Variants in HIBCH observed in about 807,000 individuals in gnomAD.
The protein encoded by HIBCH is 3-hydroxyisobutyryl-CoA hydrolase, also known as 3-hydroxyisobutyryl-CoA hydrolase, mitochondrial.
In HIBCH, 50 loss-of-function variants were observed where a neutral mutation model predicts 58.2. The observed-to-expected ratio is 0.86, with a 90% CI of 0.68 to 1.09. The LOEUF is 1.09. Ranked by LOEUF, HIBCH falls within the 50% of genes least tolerant of loss-of-function variation. The pLI is 0.00. For synonymous variants in HIBCH, 151 were observed against 146.9 expected (o/e 1.03, Z -0.20); for missense variants, 450 against 449.7 (o/e 1.00, Z -0.01).
chr2:190,283,056 G>A (rs376187251), intron 6 of HIBCH, among the ~76,000 whole-genome samples: 13 of 152,138 alleles, frequency 8.5e-5, no homozygotes, highest in African/African-American at 2.7e-4. Context: ...ATGCTCCAAT[G>A]AGCATTTCCT....
rs543616162 is a variant in HIBCH, at chr2:190,236,680, T to G, written c.891+8207A>C. On this transcript the variant is annotated intron_variant, in intron 11 of 13. Transcript: ENST00000359678. This position sits in a 1 kb window ranked among gnomAD's most constrained non-coding sequence, Gnocchi z 4.1. ...CCTTCAAAACATGGCACTAATATTC[T>G]TTTTTGTATCTACAATAAAAGGCTT... Among the ~76,000 whole-genome samples, 2 of 152,200 alleles carry G rather than the reference T, an allele frequency of 1.3e-5. No individual in the cohort carries two copies. The highest frequency in any genetic ancestry group is 2.9e-5 in the Non-Finnish European group (2 of 68,016).
At position 190,287,027 on chromosome 2, in the gene HIBCH, CGTGT is replaced by C. The variant is rs56811939; in HGVS notation, c.438+555_438+558del. On this transcript the variant is annotated intron_variant, in intron 6 of 13. Transcript: ENST00000359678. ...TTCAAAAAGTTAAAATAGCATATAA[CGTGT>C]GTGTGTGTGTGTGTGTGTGTGTGTG... is the stretch of plus-strand genomic sequence containing the variant. Among the ~76,000 whole-genome samples the C allele has an allele frequency of 4.8e-4, 68 of 142,216 alleles. 1 individual carries two copies. Among genetic ancestry groups the C allele is most frequent in the East Asian group, 1.2e-3 (6 of 4,928 alleles). The allele number at this position is 142,216 out of a possible 152,430, so 93.3% of individuals were successfully genotyped here. A position where few individuals can be genotyped will look rare whatever the true frequency, so the allele number is the denominator to read the frequency against.
chr2:190,297,987 T>C (rs1032268372), intron 2 of HIBCH, among the ~76,000 whole-genome samples: 18 of 147,828 alleles, frequency 1.2e-4, no homozygotes, highest in African/African-American at 3.0e-4. Flanking sequence ...CTCCCACTTA[T>C]CAGTGAGAAC....
At chr2:190,301,028 A>G (rs1013976407) in intron 2 of HIBCH, among the ~76,000 whole-genome samples, 1 of 152,254 alleles carries the variant, frequency 6.6e-6, no homozygotes, top group Non-Finnish European at 1.5e-5. Context: ...GAAGTGAAGC[A>G]GCCACCCCTG....
intron 2 of HIBCH, among the ~76,000 whole-genome samples, chr2:190,300,553 G>A (rs989330173): frequency 6.6e-6 from 1 of 151,842 alleles, no homozygotes; most frequent in Non-Finnish European, 1.5e-5. Flanking sequence ...TATAGATGCT[G>A]GATATTGGAC....
chr2:190,295,255 A>G (rs1688073403), intron 3 of HIBCH, among the ~76,000 whole-genome samples: 1 of 152,218 alleles, frequency 6.6e-6, no homozygotes, highest in South Asian at 2.1e-4. Context: ...ATCAATCTAT[A>G]CAGGTTGAGT....
At position 190,204,046 on chromosome 2, in the gene HIBCH, T is replaced by TA. The variant is rs1374046195; in HGVS notation, c.*1070dup. On this transcript the variant is annotated 3_prime_UTR_variant, in exon 14 of 14. Coordinates refer to ENST00000359678, the MANE Select transcript of HIBCH (RefSeq NM_014362.4). ...AAATTACAAACAAAAAACAAAATCA[T>TA]AAATTTTGTTTACTTTGTTAATTTA... The TA allele has an allele frequency of 6.6e-6, 1 of 152,068 alleles. No individual in the cohort carries two copies. Among genetic ancestry groups the TA allele is most frequent in the Non-Finnish European group, 1.5e-5 (1 of 67,930 alleles). The allele number at this position is 152,068 out of a possible 1,614,324, so 9.4% of individuals were successfully genotyped here. A position where few individuals can be genotyped will look rare whatever the true frequency, so the allele number is the denominator to read the frequency against.
chr2:190,316,733 C>G (rs1256123692), intron 1 of HIBCH, among the ~76,000 whole-genome samples: 5 of 152,116 alleles, frequency 3.3e-5, no homozygotes, highest in Non-Finnish European at 5.9e-5. Flanking sequence ...GCTCATGATT[C>G]CTAACACAGA....
chr2:190,291,405 C>T (rs897370086), intron 4 of HIBCH, among the ~76,000 whole-genome samples: 4 of 151,994 alleles, frequency 2.6e-5, no homozygotes, highest in Non-Finnish European at 4.4e-5. Context: ...GAAGAGGTAA[C>T]CCTAAGCCAA....
At position 190,315,674 on chromosome 2, in the gene HIBCH, CA is replaced by C. The variant is rs1301324576; in HGVS notation, c.35+4041del. Reference sequence around the variant, plus strand: ...AGAAGTAGGCAAGGTGTGAACAGAGCAGAAAATCAAGTCCAGGAGGCCAATA... The same window carrying C: ...AGAAGTAGGCAAGGTGTGAACAGAGCGAAAATCAAGTCCAGGAGGCCAATA... On this transcript the variant is annotated intron_variant, in intron 1 of 13. Coordinates refer to ENST00000359678, the MANE Select transcript of HIBCH (RefSeq NM_014362.4). This position sits in a 1 kb window ranked among gnomAD's most constrained non-coding sequence, Gnocchi z 5.4. Among the ~76,000 whole-genome samples the C allele has an allele frequency of 6.6e-6, 1 of 152,086 alleles. No homozygotes were observed. Among genetic ancestry groups the C allele is most frequent in the East Asian group, 1.9e-4 (1 of 5,200 alleles).
chr2:190,310,997 T>C (rs1455113947), intron 1 of HIBCH: 2 of 692,500 alleles, frequency 2.9e-6, no homozygotes, highest in Non-Finnish European at 5.3e-6. Context: ...ATGGTAACTT[T>C]ATTCATAACT....
chr2:190,225,137 T>C (rs1293291412), intron 11 of HIBCH, among the ~76,000 whole-genome samples: 1 of 152,162 alleles, frequency 6.6e-6, no homozygotes, highest in East Asian at 1.9e-4. Context: ...GAGGGAAATT[T>C]ATAGAACTAA....
rs1254374464 is a variant in HIBCH at position 190,281,664 on chromosome 2, G to A, written c.438+5922C>T. ...GTTTTTTCACTCTTTACATGGCCAG[G>A]CTGAGAGTTTTCCAAATCTTTCTGC... On this transcript the variant is annotated intron_variant, in intron 6 of 13. Transcript: ENST00000359678. The surrounding 1 kb of genome is among the most constrained non-coding windows in gnomAD (Gnocchi z 5.4). Among the ~76,000 whole-genome samples, 1 of 152,124 alleles carries A rather than the reference G, an allele frequency of 6.6e-6. No homozygotes were observed. The highest frequency in any genetic ancestry group is 1.5e-5 in the Non-Finnish European group (1 of 68,028).
intron 1 of HIBCH, among the ~76,000 whole-genome samples, chr2:190,191,102 G>A (rs1429110145): frequency 1.3e-5 from 2 of 152,020 alleles, no homozygotes; most frequent in African/African-American, 4.8e-5. Context: ...TCAACTTTTG[G>A]CAATTATAAA....
rs1227704653 is a variant in HIBCH, at chr2:190,204,377, T to C, written c.*740A>G. On this transcript the variant is annotated 3_prime_UTR_variant, in exon 14 of 14. Transcript: ENST00000359678. Reference sequence around the variant, plus strand: ...CTACCAGATTAACAAATATCACAAATAACAAGAAAATAATCCTTTCAGTTT... The same window carrying C: ...CTACCAGATTAACAAATATCACAAACAACAAGAAAATAATCCTTTCAGTTT... 1 of 152,046 alleles carries C rather than the reference T, an allele frequency of 6.6e-6. No individual in the cohort carries two copies. Among genetic ancestry groups the C allele is most frequent in the Non-Finnish European group, 1.5e-5 (1 of 67,934 alleles). 9.4% of individuals were successfully genotyped at this position (152,046 alleles called of 1,614,324 possible). A position where few individuals can be genotyped will look rare whatever the true frequency, so the allele number is the denominator to read the frequency against.
At chr2:190,230,975 C>G (rs1196446846) in intron 11 of HIBCH, among the ~76,000 whole-genome samples, 1 of 152,048 alleles carries the variant, frequency 6.6e-6, no homozygotes, top group Admixed American at 6.6e-5. Context: ...ATGTAAAACA[C>G]GTATCACGAA....
chr2:190,281,501 G>A lies in HIBCH; in HGVS notation c.438+6085C>T, dbSNP rs569342198. ...CCATTTGTGCCAGAGCTCTGGGCCTGTGATGAGAAAGGGAGGCTCAAAGGT... is the reference window on the plus strand; with the variant it reads ...CCATTTGTGCCAGAGCTCTGGGCCTATGATGAGAAAGGGAGGCTCAAAGGT... On this transcript the variant is annotated intron_variant, in intron 6 of 13. Transcript: ENST00000359678. The surrounding 1 kb of genome is among the most constrained non-coding windows in gnomAD (Gnocchi z 5.4). 5.3e-5 allele frequency among the ~76,000 whole-genome samples: 8 copies of A among 152,302 alleles called. No homozygotes were observed. The highest frequency in any genetic ancestry group is 1.9e-4 in the African/African-American group (8 of 41,558).
intron 1 of HIBCH, among the ~76,000 whole-genome samples, chr2:190,194,510 AC>A (rs1689879383): frequency 6.7e-6 from 1 of 150,372 alleles, no homozygotes; most frequent in African/African-American, 2.4e-5. Context: ...ACACACACAC[AC>A]ACACACACGC....
intron 4 of HIBCH, 38 bp downstream of exon 4, chr2:190,294,508 G>A (rs747842941): frequency 1.5e-6 from 2 of 1,338,776 alleles, no homozygotes; most frequent in South Asian, 1.2e-5. Context: ...GTTCTAGTAG[G>A]GGGAAAGAGC....
Sources: gnomAD v4.1 joint callset for allele counts (sites outside exome capture counted in the v4.1 genomes callset) on GRCh38, gnomAD v4.1.1 for gene constraint, Gnocchi (gnomAD v3.1) non-coding constraint, MANE v1.5 for transcripts, NCBI Gene and HGNC (gene_info 2026-07-23, HGNC 2026-07-21) for gene names.